The following MARCHF4 variants were observed in gnomAD, a reference collection of about 807,000 sequenced individuals.
MARCHF4 encodes E3 ubiquitin-protein ligase MARCHF4.
In MARCHF4, 14 loss-of-function variants were observed where a neutral mutation model predicts 43.9. The observed-to-expected ratio is 0.32, with a 90% CI of 0.21 to 0.50. The LOEUF (loss-of-function observed/expected upper bound fraction) is 0.50, where lower values mean the gene tolerates loss of function less well. Among genes scored for constraint, MARCHF4 ranks in the 20% least tolerant of loss-of-function variants. The pLI, the probability that MARCHF4 is intolerant of heterozygous loss-of-function variation, is 0.98. For missense variants in MARCHF4, 468 were observed against 536.7 expected, an observed-to-expected ratio of 0.87 and a Z score of 1.27; for synonymous variants, 226 against 213.3, an observed-to-expected ratio of 1.06 and a Z score of -0.52.
At chr2:216,315,812 T>C (rs897156005) in intron 1 of MARCHF4, among the ~76,000 whole-genome samples, 15 of 152,202 alleles carry the variant, frequency 9.9e-5, no homozygotes, top group Admixed American at 4.6e-4. Context: ...GCATTACCGT[T>C]TATACTAAGA....
chr2:216,266,326 C>G (rs911587861), intron 3 of MARCHF4, among the ~76,000 whole-genome samples: 4 of 152,162 alleles, frequency 2.6e-5, no homozygotes, highest in African/African-American at 9.7e-5. Context: ...ATACCTGGTA[C>G]TGTGCCTGGG....
At position 216,289,233 on chromosome 2, in the gene MARCHF4, A is replaced by ACC. The variant is rs199838607; in HGVS notation, c.517-5506_517-5505dup. ...TCTTTTGCCCTTTGTTTTCTTCCCC[A>ACC]CCCGCCCCCCACCCAAGTTGCTGCC... is the stretch of plus-strand genomic sequence containing the variant. On this transcript the variant is annotated intron_variant, in intron 1 of 3. Coordinates refer to ENST00000273067, the MANE Select transcript of MARCHF4 (RefSeq NM_020814.3). 3.6e-3 allele frequency among the ~76,000 whole-genome samples: 370 copies of ACC among 102,494 alleles called. 1 individual carries two copies. Among genetic ancestry groups the ACC allele is most frequent in the African/African-American group, 0.011 (291 of 26,060 alleles). The allele number at this position is 102,494 out of a possible 152,430, so 67.2% of individuals were successfully genotyped here. A position where few individuals can be genotyped will look rare whatever the true frequency, so the allele number is the denominator to read the frequency against.
intron 1 of MARCHF4, among the ~76,000 whole-genome samples, chr2:216,311,286 C>T (rs1283769820): frequency 6.6e-6 from 1 of 151,982 alleles, no homozygotes; most frequent in Non-Finnish European, 1.5e-5. Context: ...TTGTCAGAGT[C>T]TCACTCTGTC....
intron 1 of MARCHF4, among the ~76,000 whole-genome samples, chr2:216,285,942 C>T (rs967314447): frequency 3.3e-5 from 5 of 152,202 alleles, no homozygotes; most frequent in Admixed American, 6.5e-5. Context: ...AGTCTCCACG[C>T]CTTGCTTCCC....
At chr2:216,361,286 C>T (rs1692573976) in intron 1 of MARCHF4, among the ~76,000 whole-genome samples, 1 of 152,086 alleles carries the variant, frequency 6.6e-6, no homozygotes, top group Admixed American at 6.5e-5. Context: ...AGCATAAGAG[C>T]AAACTGAAAA....
intron 1 of MARCHF4, among the ~76,000 whole-genome samples, chr2:216,359,960 C>T (rs1026485567): frequency 2.0e-5 from 3 of 152,170 alleles, no homozygotes; most frequent in Admixed American, 6.5e-5. Context: ...GGGCCCACAC[C>T]TCTGTTCCTT....
intron 3 of MARCHF4, among the ~76,000 whole-genome samples, chr2:216,275,762 G>T (rs1267331782): frequency 6.6e-6 from 1 of 152,188 alleles, no homozygotes; most frequent in African/African-American, 2.4e-5. Flanking sequence ...CCCTATTGAT[G>T]TTGAGCTTAC....
At chr2:216,262,376 C>T (rs554460521) in intron 3 of MARCHF4, among the ~76,000 whole-genome samples, 6 of 152,270 alleles carry the variant, frequency 3.9e-5, no homozygotes, top group Admixed American at 2.6e-4. Context: ...TCAGGGTAAA[C>T]GGTTTCCCTG....
chr2:216,277,393 A>G (rs1691042605), intron 3 of MARCHF4, among the ~76,000 whole-genome samples: 1 of 152,116 alleles, frequency 6.6e-6, no homozygotes. Flanking sequence ...ATAGACTAAC[A>G]ATTTTTCCCA....
At chr2:216,263,195 G>A (rs1039414881) in intron 3 of MARCHF4, among the ~76,000 whole-genome samples, 6 of 152,184 alleles carry the variant, frequency 3.9e-5, no homozygotes, top group Admixed American at 3.9e-4. Context: ...GGGAGGCCGC[G>A]GCAGGTGGAT....
intron 1 of MARCHF4, among the ~76,000 whole-genome samples, chr2:216,294,676 A>G (rs1240151609): frequency 6.6e-6 from 1 of 152,178 alleles, no homozygotes; most frequent in Admixed American, 6.5e-5. Context: ...CTCAGGCTTC[A>G]CTCCAGAGAT....
chr2:216,284,429 CAT>C (rs1691186761), intron 1 of MARCHF4, among the ~76,000 whole-genome samples: 1 of 152,184 alleles, frequency 6.6e-6, no homozygotes, highest in Non-Finnish European at 1.5e-5. Flanking sequence ...TTCCCATGAC[CAT>C]ATGTCAGATG....
intron 1 of MARCHF4, among the ~76,000 whole-genome samples, chr2:216,318,371 C>T (rs1309952307): frequency 6.6e-6 from 1 of 152,204 alleles, no homozygotes; most frequent in Admixed American, 6.5e-5. Context: ...TCAAACAAAG[C>T]CCTTGCTCTC....
chr2:216,273,191 C>T (rs1354125168), intron 3 of MARCHF4, among the ~76,000 whole-genome samples: 1 of 152,202 alleles, frequency 6.6e-6, no homozygotes, highest in Admixed American at 6.5e-5. Flanking sequence ...CTCAGCACAC[C>T]GCTCCAAAAG....
intron 1 of MARCHF4, among the ~76,000 whole-genome samples, chr2:216,348,813 T>C (rs1216695120): frequency 6.6e-6 from 1 of 152,168 alleles, no homozygotes; most frequent in Non-Finnish European, 1.5e-5. Context: ...ATTAGACATA[T>C]TCACTGCACA....
At chr2:216,278,137 T>C (rs1433791357) in intron 2 of MARCHF4, among the ~76,000 whole-genome samples, 1 of 152,210 alleles carries the variant, frequency 6.6e-6, no homozygotes, top group African/African-American at 2.4e-5. Flanking sequence ...TTAGACTTGA[T>C]AATGATATAC....
chr2:216,366,979 T>C (rs2105987571), intron 1 of MARCHF4, among the ~76,000 whole-genome samples: 1 of 152,330 alleles, frequency 6.6e-6, no homozygotes. Flanking sequence ...AAGTCCTTTG[T>C]AGATAGGTAC....
intron 1 of MARCHF4, among the ~76,000 whole-genome samples, chr2:216,356,008 T>C (rs1044835738): frequency 6.6e-6 from 1 of 152,168 alleles, no homozygotes; most frequent in Non-Finnish European, 1.5e-5. Context: ...TCCAAACCAG[T>C]CAAAGAACTC....
At chr2:216,260,745 G>A (rs1169809491) in intron 3 of MARCHF4, among the ~76,000 whole-genome samples, 1 of 152,172 alleles carries the variant, frequency 6.6e-6, no homozygotes, top group African/African-American at 2.4e-5. Flanking sequence ...AGCTATTGAC[G>A]GTTTCAGTAG....
Sources: gnomAD v4.1 joint callset for allele counts (sites outside exome capture counted in the v4.1 genomes callset) on GRCh38, gnomAD v4.1.1 for gene constraint, MANE v1.5 for transcripts, NCBI Gene and HGNC (gene_info 2026-07-23, HGNC 2026-07-21) for gene names.